GSDMC: variants seen among roughly 807,000 people sequenced by gnomAD.
GSDMC encodes gasdermin-C.
In GSDMC, 59 loss-of-function variants were observed where a neutral mutation model predicts 58.0. The ratio of observed to expected loss-of-function variants is 1.02; its 90% confidence interval spans 0.82 to 1.26. The LOEUF is 1.26. GSDMC is among the 50% of genes most tolerant of loss of function. The pLI is 0.00. For missense variants in GSDMC, 659 were observed against 598.5 expected (o/e 1.10, Z -1.06); for synonymous variants, 241 against 220.2 (o/e 1.09, Z -0.83).
the GSDMC span, among the ~76,000 whole-genome samples, chr8:129,720,632 AATAT>A: frequency 2.0e-5 from 3 of 152,200 alleles, no homozygotes; most frequent in African/African-American, 7.2e-5. Flanking sequence ...CAATAATGTC[AATAT>A]ATATAGTCAA....
At chr8:129,761,075 C>G (rs1460808460) in intron 5 of GSDMC, among the ~76,000 whole-genome samples, 1 of 152,168 alleles carries the variant, frequency 6.6e-6, no homozygotes, top group Non-Finnish European at 1.5e-5. Context: ...AGAGGAAAAG[C>G]TAGCCTCACA....
the GSDMC span, among the ~76,000 whole-genome samples, chr8:129,713,865 AG>A: frequency 1.3e-5 from 2 of 152,092 alleles, no homozygotes; most frequent in African/African-American, 4.8e-5. Context: ...CCCCTGACTC[AG>A]GGGGGATTTA....
the GSDMC span, chr8:129,729,330 C>CT: frequency 8.0e-6 from 4 of 497,416 alleles, no homozygotes; most frequent in Non-Finnish European, 1.5e-5. Context: ...TATTATTATA[C>CT]TTTAAGTTCT....
At chr8:129,707,401 G>T in the GSDMC span, among the ~76,000 whole-genome samples, 2 of 152,028 alleles carry the variant, frequency 1.3e-5, no homozygotes, top group African/African-American at 2.4e-5. Flanking sequence ...TCCTTTCATG[G>T]TTTCTTTTTC....
At chr8:129,762,971 C>A (rs2033728350) in intron 4 of GSDMC, among the ~76,000 whole-genome samples, 2 of 152,042 alleles carry the variant, frequency 1.3e-5, no homozygotes. Flanking sequence ...ACTATTTATT[C>A]TCTCTTTTTG....
intron 4 of GSDMC, among the ~76,000 whole-genome samples, chr8:129,763,743 A>C (rs2130455440): frequency 6.6e-6 from 1 of 152,104 alleles, no homozygotes; most frequent in African/African-American, 2.4e-5. Flanking sequence ...CACCTGGCTA[A>C]TTTTTTGTTT....
At chr8:129,728,702 T>C in the GSDMC span, 1 of 397,710 alleles carries the variant, frequency 2.5e-6, no homozygotes, top group Non-Finnish European at 4.8e-6. Flanking sequence ...GCACCAGCTC[T>C]TACCTATAAG....
chr8:129,752,293 T>C, intron 7 of GSDMC, 146 bp from the exon 8 acceptor site: 1 of 703,634 alleles, frequency 1.4e-6, no homozygotes, highest in Non-Finnish European at 2.5e-6. Flanking sequence ...GTTAAAAAAC[T>C]TCCCCAGAGA....
chr8:129,723,398 G>A, the GSDMC span, among the ~76,000 whole-genome samples: 2 of 148,902 alleles, frequency 1.3e-5, no homozygotes, highest in Admixed American at 6.7e-5. Flanking sequence ...GTGCCACCAC[G>A]CCTGGCTATT....
intron 1 of GSDMC, among the ~76,000 whole-genome samples, chr8:129,779,810 C>T (rs1374390229): frequency 6.6e-6 from 1 of 151,962 alleles, no homozygotes; most frequent in East Asian, 1.9e-4. Context: ...CCCAGAGAGA[C>T]AGAAATATGT....
At chr8:129,745,588 A>G (rs1259576389), downstream of GSDMC, among the ~76,000 whole-genome samples, 1 of 152,086 alleles carries the variant, frequency 6.6e-6, no homozygotes, top group Non-Finnish European at 1.5e-5. Flanking sequence ...TATATAATAC[A>G]TTTATTTATT....
chr8:129,765,433 C>T (rs115466470), intron 4 of GSDMC, among the ~76,000 whole-genome samples, 195 bp downstream of exon 4: 1,775 of 152,226 alleles, frequency 0.012, 30 homozygotes, highest in African/African-American at 0.039. Context: ...TAGTAAAACA[C>T]TGTAACGGAG....
chr8:129,745,196 C>A (rs543459808), downstream of GSDMC, among the ~76,000 whole-genome samples: 1 of 152,324 alleles, frequency 6.6e-6, no homozygotes, highest in South Asian at 2.1e-4. Flanking sequence ...TCTATTAGCA[C>A]CATTTGATCT....
chr8:129,765,264 A>G (rs1043346368), intron 4 of GSDMC, among the ~76,000 whole-genome samples: 4 of 152,172 alleles, frequency 2.6e-5, no homozygotes, highest in Admixed American at 1.3e-4. Flanking sequence ...GGGGTTTGGT[A>G]TTAGTGGTCC....
intron 5 of GSDMC, among the ~76,000 whole-genome samples, chr8:129,761,572 G>C (rs1426073510): frequency 6.6e-6 from 1 of 152,084 alleles, no homozygotes; most frequent in Non-Finnish European, 1.5e-5. Flanking sequence ...ATCATTTTCT[G>C]TTTGTTGTTG....
At chr8:129,729,458 C>G in the GSDMC span, among the ~76,000 whole-genome samples, 1 of 152,130 alleles carries the variant, frequency 6.6e-6, no homozygotes, top group Non-Finnish European at 1.5e-5. Context: ...TTTCCCTCCC[C>G]CCTTCTCCCA....
At chr8:129,738,412 T>G in the GSDMC span, among the ~76,000 whole-genome samples, 1 of 152,178 alleles carries the variant, frequency 6.6e-6, no homozygotes, top group African/African-American at 2.4e-5. Context: ...ACCCAAATGT[T>G]CATCAATGAT....
chr8:129,730,727 C>G, the GSDMC span, among the ~76,000 whole-genome samples: 2 of 152,212 alleles, frequency 1.3e-5, no homozygotes, highest in Non-Finnish European at 2.9e-5. Flanking sequence ...CAGTCTCCTA[C>G]TTAATGACAG....
At chr8:129,720,895 T>C in the GSDMC span, among the ~76,000 whole-genome samples, 1 of 152,110 alleles carries the variant, frequency 6.6e-6, no homozygotes. Context: ...ATGGGATAAG[T>C]GCAGTGGGAA....
Sources: allele counts gnomAD v4.1 joint callset (sites outside exome capture counted in the v4.1 genomes callset), GRCh38; gene constraint gnomAD v4.1.1; transcripts MANE v1.5; gene names NCBI Gene and HGNC (gene_info 2026-07-23, HGNC 2026-07-21).